The following FSIP1 variants were observed in gnomAD, a reference collection of about 807,000 sequenced individuals.
FSIP1 encodes fibrous sheath interacting protein 1.
In FSIP1, 65 loss-of-function variants were observed where a neutral mutation model predicts 60.9. That is an observed-to-expected ratio of 1.07 (90% CI 0.87 to 1.31). FSIP1 has a LOEUF of 1.31. Ranked by LOEUF, FSIP1 falls within the 40% of genes most tolerant of loss-of-function variation. The pLI is 0.00. For missense variants in FSIP1, 675 were observed against 665.5 expected (o/e 1.01, Z -0.16); for synonymous variants, 209 against 221.2 (o/e 0.94, Z 0.49).
intron 5 of FSIP1, among the ~76,000 whole-genome samples, chr15:39,746,102 T>A (rs1373319080): frequency 6.6e-6 from 1 of 151,822 alleles, no homozygotes; most frequent in Non-Finnish European, 1.5e-5. Flanking sequence ...TTTAAAAAAT[T>A]AAAAATAAAA....
chr15:39,693,558 T>G (rs1320517988), intron 10 of FSIP1, among the ~76,000 whole-genome samples: 1 of 152,208 alleles, frequency 6.6e-6, no homozygotes, highest in South Asian at 2.1e-4. Context: ...GATTTAAGTA[T>G]TTTAGCAATC....
At chr15:39,735,734 CTT>C (rs1411406883) in intron 8 of FSIP1, among the ~76,000 whole-genome samples, 1 of 152,090 alleles carries the variant, frequency 6.6e-6, no homozygotes, top group Non-Finnish European at 1.5e-5. Flanking sequence ...TATAATAACA[CTT>C]AGCTTAAAAC....
intron 4 of FSIP1, among the ~76,000 whole-genome samples, chr15:39,764,158 A>G (rs997469656): frequency 1.3e-5 from 2 of 152,144 alleles, no homozygotes; most frequent in Non-Finnish European, 2.9e-5. Context: ...AAGTATCATA[A>G]GTTTCTGCTT....
intron 11 of FSIP1, among the ~76,000 whole-genome samples, chr15:39,601,935 C>T (rs1347882812): frequency 1.3e-5 from 2 of 151,700 alleles, no homozygotes; most frequent in Admixed American, 1.3e-4. Context: ...GTTGCGTTGT[C>T]GGGGGTGGAA....
intron 10 of FSIP1, among the ~76,000 whole-genome samples, chr15:39,667,852 G>A (rs7174422): frequency 0.021 from 3,126 of 152,334 alleles, 107 homozygotes; most frequent in African/African-American, 0.071. Flanking sequence ...AGAGGAATTA[G>A]TGAGTTTGAA....
chr15:39,634,354 A>T (rs1892039296), intron 10 of FSIP1, among the ~76,000 whole-genome samples: 1 of 152,048 alleles, frequency 6.6e-6, no homozygotes, highest in Non-Finnish European at 1.5e-5. Context: ...TGTCTCTTAA[A>T]CTCAACCCAA....
intron 11 of FSIP1, among the ~76,000 whole-genome samples, chr15:39,603,953 C>T (rs997427191): frequency 1.3e-5 from 2 of 152,082 alleles, no homozygotes; most frequent in African/African-American, 4.8e-5. Context: ...CTCTACATTT[C>T]TTTTTGTTGT....
intron 10 of FSIP1, among the ~76,000 whole-genome samples, chr15:39,679,900 G>T (rs894972828): frequency 3.3e-5 from 5 of 152,074 alleles, no homozygotes; most frequent in Admixed American, 3.3e-4. Flanking sequence ...ATTATTTATA[G>T]ATTATAAACC....
At chr15:39,633,128 A>G (rs1478975057) in intron 10 of FSIP1, among the ~76,000 whole-genome samples, 2 of 118,660 alleles carry the variant, frequency 1.7e-5, no homozygotes, top group African/African-American at 3.6e-5. Flanking sequence ...GAATCTTGCT[A>G]TCGCCAGGCT....
At chr15:39,691,005 C>G (rs2631710) in intron 10 of FSIP1, among the ~76,000 whole-genome samples, 84,506 of 151,974 alleles carry the variant, frequency 0.56, 25,939 homozygotes, top group Non-Finnish European at 0.71. Flanking sequence ...AAAACTGAGC[C>G]AAAAAAGAGA....
intron 8 of FSIP1, among the ~76,000 whole-genome samples, chr15:39,731,609 T>C (rs1267010170): frequency 1.3e-5 from 2 of 151,128 alleles, no homozygotes; most frequent in African/African-American, 2.5e-5. Flanking sequence ...ATGTAAAAGG[T>C]AGTAAATGGC....
intron 8 of FSIP1, among the ~76,000 whole-genome samples, chr15:39,730,399 G>A (rs1248155063): frequency 2.0e-5 from 3 of 152,126 alleles, no homozygotes; most frequent in Middle Eastern, 3.2e-3. Flanking sequence ...GGTCATAAAG[G>A]GAAGCATTAC....
chr15:39,713,327 C>T lies in FSIP1; in HGVS notation c.1188+117G>A, dbSNP rs7162311. ...CACACCTGTAATCCTAGCACTTTGG[C>T]AGGCTGAGGTGGGCAGGTCACTTGA... On this transcript the variant is annotated intron_variant, in intron 10 of 11. Transcript: ENST00000350221. 9.2e-3 allele frequency: 7,588 copies of T among 821,004 alleles called. 379 individuals are homozygous for T. In the African/African-American group the frequency reaches 0.11, roughly 12 times the overall value. The allele number at this position is 821,004 out of a possible 1,614,324, so 50.9% of individuals were successfully genotyped here.
At chr15:39,640,727 C>CA (rs111962610) in intron 10 of FSIP1, among the ~76,000 whole-genome samples, 8,430 of 99,880 alleles carry the variant, frequency 0.084, 322 homozygotes, top group Admixed American at 0.16. Flanking sequence ...GATTTACAGA[C>CA]AAAAAAAAAA....
chr15:39,720,016 A>G (rs1473811439), intron 9 of FSIP1, among the ~76,000 whole-genome samples: 4 of 152,218 alleles, frequency 2.6e-5, no homozygotes, highest in Non-Finnish European at 5.9e-5. Context: ...CAGATGGTCA[A>G]TAAGATTTCT....
At chr15:39,679,060 C>T (rs1473280273) in intron 10 of FSIP1, among the ~76,000 whole-genome samples, 3 of 151,792 alleles carry the variant, frequency 2.0e-5, no homozygotes, top group Admixed American at 2.0e-4. Flanking sequence ...CATTCTTCAG[C>T]AGAGTTTACT....
chr15:39,670,601 T>A lies in FSIP1; in HGVS notation c.1188+42843A>T, dbSNP rs56299179. On this transcript the variant is annotated intron_variant, in intron 10 of 11. Transcript: ENST00000350221. ...TTCTTAATGGTGTCCAAAAGAATAC[T>A]GAAGAAAGGTCAGCCTGGAATGTTG... Among the ~76,000 whole-genome samples, 525 of 152,318 alleles carry A rather than the reference T, an allele frequency of 3.4e-3. 2 individuals are homozygous for A. Among genetic ancestry groups the A allele is most frequent in the Middle Eastern group, 0.017 (5 of 294 alleles).
In FSIP1 at chr15:39,713,438, A is replaced by T; in HGVS notation, c.1188+6T>A. Reference sequence around the variant, plus strand: ...AAAAAAAATTAATTAAAACAAAAAGACTTACCACATTTTCCTTCATCATTT... The same window carrying T: ...AAAAAAAATTAATTAAAACAAAAAGTCTTACCACATTTTCCTTCATCATTT... On this transcript the variant is annotated splice_donor_region_variant and intron_variant, in intron 10 of 11. Coordinates refer to ENST00000350221, the MANE Select transcript of FSIP1 (RefSeq NM_152597.5). 1 of 1,587,296 alleles carries T rather than the reference A, an allele frequency of 6.3e-7. No homozygotes were observed. The highest frequency in any genetic ancestry group is 1.2e-5 in the South Asian group (1 of 85,486).
intron 10 of FSIP1, among the ~76,000 whole-genome samples, chr15:39,656,495 C>T (rs1421831212): frequency 6.6e-6 from 1 of 152,182 alleles, no homozygotes; most frequent in Non-Finnish European, 1.5e-5. Flanking sequence ...GAGAGTGTGG[C>T]ACTTCAAGCA....
Sources: allele counts gnomAD v4.1 joint callset (sites outside exome capture counted in the v4.1 genomes callset), GRCh38; gene constraint gnomAD v4.1.1; transcripts MANE v1.5; gene names NCBI Gene and HGNC (gene_info 2026-07-23, HGNC 2026-07-21).